Variants in SETBP1 observed in about 807,000 individuals in gnomAD.
The protein encoded by SETBP1 is SET-binding protein.
Under a neutral mutation model 101.0 loss-of-function variants are expected in SETBP1, and 9 were observed. That is an observed-to-expected ratio of 0.09 (90% confidence interval 0.05 to 0.16). SETBP1 has a LOEUF of 0.16. SETBP1 is among the 10% of genes least tolerant of loss of function. The pLI is 1.00. For missense variants in SETBP1, 1,858 were observed against 2,033.8 expected, an observed-to-expected ratio of 0.91 and a Z score of 1.66; for synonymous variants, 818 against 788.5, an observed-to-expected ratio of 1.04 and a Z score of -0.63.
At chr18:44,877,571 A>G (rs1400833457) in intron 3 of SETBP1, among the ~76,000 whole-genome samples, 1 of 152,196 alleles carries the variant, frequency 6.6e-6, no homozygotes, top group Non-Finnish European at 1.5e-5. Context: ...CATAATTCCT[A>G]AGGAAACCCA....
intron 2 of SETBP1, among the ~76,000 whole-genome samples, chr18:44,703,439 T>A (rs946523638): frequency 6.8e-6 from 1 of 147,052 alleles, no homozygotes; most frequent in Non-Finnish European, 1.5e-5. Context: ...GGAATCATAT[T>A]ATTTCTTTAG....
At chr18:44,855,097 C>T (rs1019720372) in intron 2 of SETBP1, among the ~76,000 whole-genome samples, 2 of 152,148 alleles carry the variant, frequency 1.3e-5, no homozygotes, top group Non-Finnish European at 2.9e-5. Context: ...GAGGCCTTCC[C>T]TGATCAGCTT....
chr18:44,932,789 A>T (rs1487331806), intron 3 of SETBP1, among the ~76,000 whole-genome samples: 1 of 150,618 alleles, frequency 6.6e-6, no homozygotes, highest in Non-Finnish European at 1.5e-5. Context: ...TCATTTAAGG[A>T]CTCCTCAGGT....
chr18:44,891,975 G>A (rs575982581), intron 3 of SETBP1, among the ~76,000 whole-genome samples: 50 of 152,182 alleles, frequency 3.3e-4, no homozygotes, highest in African/African-American at 1.1e-3. Context: ...ACCCACCTAC[G>A]AGATGAGAAA....
intron 2 of SETBP1, among the ~76,000 whole-genome samples, chr18:44,788,650 A>G (rs1483085158): frequency 6.6e-6 from 1 of 152,184 alleles, no homozygotes; most frequent in African/African-American, 2.4e-5. Flanking sequence ...AGAAGGGAGC[A>G]GAATTGTTTA....
intron 2 of SETBP1, among the ~76,000 whole-genome samples, chr18:44,810,401 C>T (rs2071836153): frequency 6.6e-6 from 1 of 152,128 alleles, no homozygotes; most frequent in African/African-American, 2.4e-5. Context: ...CTCTAGAATC[C>T]CTTAATACAG....
intron 1 of SETBP1, among the ~76,000 whole-genome samples, chr18:44,685,341 A>G (rs1454339450): frequency 6.6e-6 from 1 of 152,250 alleles, no homozygotes; most frequent in Non-Finnish European, 1.5e-5. Context: ...TTTCAAAAAT[A>G]TCTTTATATG....
intron 2 of SETBP1, among the ~76,000 whole-genome samples, chr18:44,774,810 T>C (rs2070959985): frequency 6.6e-6 from 1 of 152,124 alleles, no homozygotes; most frequent in East Asian, 1.9e-4. Flanking sequence ...CGACCCTCAT[T>C]GAGACAAATG....
At chr18:44,807,457 T>G (rs534283526) in intron 2 of SETBP1, among the ~76,000 whole-genome samples, 13 of 152,172 alleles carry the variant, frequency 8.5e-5, no homozygotes, top group Non-Finnish European at 1.3e-4. Context: ...CCATTCATAT[T>G]TGGTGCTGGA....
intron 5 of SETBP1, among the ~76,000 whole-genome samples, chr18:45,060,367 A>G (rs993576998): frequency 1.3e-5 from 2 of 152,198 alleles, no homozygotes; most frequent in Admixed American, 6.5e-5. Context: ...ACAGTATGTG[A>G]GTGTTCCTAG....
At chr18:44,943,463 G>C (rs987831845) in intron 3 of SETBP1, among the ~76,000 whole-genome samples, 1 of 152,222 alleles carries the variant, frequency 6.6e-6, no homozygotes, top group Non-Finnish European at 1.5e-5. Context: ...CCTTAACCCA[G>C]ACCCTGTCTT....
intron 4 of SETBP1, among the ~76,000 whole-genome samples, chr18:45,013,098 CA>C (rs2072872421): frequency 6.6e-6 from 1 of 152,248 alleles, no homozygotes; most frequent in Non-Finnish European, 1.5e-5. Context: ...CCACCTCACA[CA>C]AACTCCAGGT....
Position 44,950,540 on chromosome 18 carries a change from C to G in SETBP1, c.1200C>G (p.Val400=), listed in dbSNP as rs372407089. 29 of 1,614,078 alleles carry G rather than the reference C, an allele frequency of 1.8e-5. No homozygotes were observed. The African/African-American group carries it at 3.7e-4, about 21-fold the overall frequency. Residue 400 remains valine, a synonymous_variant, in exon 4 of 6, where the codon GTC becomes GTG. Transcript: ENST00000649279. ...ATCCTGAAAATGACTCAAGTCATGTCCGGATTACTATCCCCATCAAGGCAC... is the reference window on the plus strand; with the variant it reads ...ATCCTGAAAATGACTCAAGTCATGTGCGGATTACTATCCCCATCAAGGCAC... ...ASNPENDSSH[V]RITIPIKAPS...
chr18:44,949,996 A>G lies in SETBP1; in HGVS notation c.656A>G (p.His219Arg), dbSNP rs764663303. 8 of 1,614,148 alleles carry G rather than the reference A, an allele frequency of 5.0e-6. No individual in the cohort carries two copies. Among genetic ancestry groups the G allele is most frequent in the Non-Finnish European group, 5.9e-6 (7 of 1,179,996 alleles). ...CAGCAAAAAAGCAGCAGCCAGAACCACATGGACTGGTCCACCAACTCTGAC... is the reference window on the plus strand; with the variant it reads ...CAGCAAAAAAGCAGCAGCCAGAACCGCATGGACTGGTCCACCAACTCTGAC... ...KHQQKSSSQN[H>R]MDWSTNSDSG... Residue 219 changes from histidine to arginine, a missense_variant, in exon 4 of 6, where the codon CAC (histidine) becomes CGC (arginine). Physicochemically the swap from His to Arg is conservative, Grantham distance 29. This residue lies in a region of SETBP1 where 581 missense variants were observed against 535.1 expected (regional missense o/e 1.09). Coordinates refer to ENST00000649279, the MANE Select transcript of SETBP1 (RefSeq NM_015559.3).
intron 2 of SETBP1, among the ~76,000 whole-genome samples, chr18:44,742,779 TC>T (rs1161909127): frequency 6.6e-6 from 1 of 152,188 alleles, no homozygotes; most frequent in Non-Finnish European, 1.5e-5. Context: ...GAGCTCTGCC[TC>T]AGAGTTGATC....
At chr18:45,007,620 A>AT (rs1167958641) in intron 4 of SETBP1, among the ~76,000 whole-genome samples, 32 of 151,950 alleles carry the variant, frequency 2.1e-4, no homozygotes, top group Non-Finnish European at 4.4e-5. Context: ...ACAGCTGTGA[A>AT]TTTTTTCCAT....
intron 4 of SETBP1, among the ~76,000 whole-genome samples, chr18:44,995,529 TTGTG>T (rs60256060): frequency 0.015 from 2,177 of 142,872 alleles, 30 homozygotes; most frequent in South Asian, 0.035. Flanking sequence ...GTCCAGGCTT[TTGTG>T]TGTGTGTGTG....
chr18:44,963,917 A>AG (rs1424838062), intron 4 of SETBP1, among the ~76,000 whole-genome samples: 1 of 150,694 alleles, frequency 6.6e-6, no homozygotes, highest in East Asian at 2.0e-4. Flanking sequence ...AAAAAAAAAA[A>AG]AAAAAGGGTT....
At chr18:45,005,945 CTT>C (rs1032603185) in intron 4 of SETBP1, among the ~76,000 whole-genome samples, 17 of 103,162 alleles carry the variant, frequency 1.6e-4, no homozygotes, top group Non-Finnish European at 2.3e-4. Context: ...TGCACCCGGC[CTT>C]TTTTTTTTTT....
Sources: allele counts gnomAD v4.1 joint callset (sites outside exome capture counted in the v4.1 genomes callset), GRCh38; gene constraint gnomAD v4.1.1; regional missense constraint gnomAD v4.1.1; transcripts MANE v1.5; gene names NCBI Gene and HGNC (gene_info 2026-07-23, HGNC 2026-07-21).